ZBTB20: variants seen among roughly 807,000 people sequenced by gnomAD.
The protein encoded by ZBTB20 is zinc finger and BTB domain containing 20.
A neutral mutation model predicts 56.9 loss-of-function variants in ZBTB20; 9 were observed. That is an observed-to-expected ratio of 0.16 (90% CI 0.10 to 0.28). The LOEUF is 0.28. Among genes scored for constraint, ZBTB20 ranks in the 10% least tolerant of loss-of-function variants. The pLI, the probability that ZBTB20 is intolerant of heterozygous loss-of-function variation, is 1.00. For missense variants in ZBTB20, 655 were observed against 1,003.0 expected (o/e 0.65, Z 4.69); for synonymous variants, 417 against 420.7 (o/e 0.99, Z 0.11).
In ZBTB20 at chr3:114,941,351, G is replaced by A. The variant is rs960966520; in HGVS notation, c.-456+33015C>T. ...AGAGAAAATTAGAGTACAAAGAAGA[G>A]ACTGACCCAACAATAACATTTAACT... On this transcript the variant is annotated intron_variant, in intron 3 of 11. Coordinates refer to ENST00000675478, the MANE Select transcript of ZBTB20 (RefSeq NM_001348800.3). 8.2e-5 allele frequency among the ~76,000 whole-genome samples: 12 copies of A among 146,294 alleles called. 3 individuals carry two copies. Among genetic ancestry groups the A allele is most frequent in the African/African-American group, 2.8e-4 (10 of 36,146 alleles).
chr3:114,436,780 G>A (rs898562772), intron 7 of ZBTB20, among the ~76,000 whole-genome samples: 1 of 152,146 alleles, frequency 6.6e-6, no homozygotes, highest in African/African-American at 2.4e-5. Flanking sequence ...AGAAGTTTGA[G>A]GCTGCAGTGA....
intron 3 of ZBTB20, among the ~76,000 whole-genome samples, chr3:114,944,056 G>A (rs981822312): frequency 1.4e-5 from 2 of 145,662 alleles, no homozygotes; most frequent in Non-Finnish European, 3.0e-5. Flanking sequence ...AAAAACAATT[G>A]AAGCCAGAGA....
At chr3:115,045,266 G>C (rs2108409297) in intron 2 of ZBTB20, among the ~76,000 whole-genome samples, 1 of 151,902 alleles carries the variant, frequency 6.6e-6, no homozygotes, top group Middle Eastern at 3.4e-3. Flanking sequence ...AAAACATGTA[G>C]TATATGTTCC....
At chr3:114,584,077 G>C (rs960008185) in intron 6 of ZBTB20, among the ~76,000 whole-genome samples, 15 of 152,030 alleles carry the variant, frequency 9.9e-5, no homozygotes, top group African/African-American at 3.6e-4. Flanking sequence ...TATCTAATGA[G>C]ATTAATTTAT....
At chr3:114,547,009 C>T (rs964046293) in intron 6 of ZBTB20, among the ~76,000 whole-genome samples, 1 of 152,130 alleles carries the variant, frequency 6.6e-6, no homozygotes, top group Admixed American at 6.6e-5. Context: ...TAGGGGGTAA[C>T]TACAGGGGCA....
chr3:114,865,658 G>A (rs376196316), intron 4 of ZBTB20, among the ~76,000 whole-genome samples: 7 of 152,182 alleles, frequency 4.6e-5, no homozygotes, highest in South Asian at 2.1e-4. Flanking sequence ...CATGCTATCT[G>A]TAACATTACG....
chr3:114,430,131 G>GA (rs1421186440), intron 7 of ZBTB20, among the ~76,000 whole-genome samples: 2 of 152,148 alleles, frequency 1.3e-5, no homozygotes, highest in African/African-American at 4.8e-5. Context: ...TGGTTATGGA[G>GA]AAAAATCACT....
At chr3:114,357,054 G>A (rs932266984) in intron 10 of ZBTB20, 6 of 152,176 alleles carry the variant, frequency 3.9e-5, no homozygotes, top group African/African-American at 1.2e-4. Context: ...GTGAGACTAG[G>A]GAGGGTCATC....
At chr3:114,626,495 C>T (rs2058665412) in intron 6 of ZBTB20, among the ~76,000 whole-genome samples, 1 of 152,074 alleles carries the variant, frequency 6.6e-6, no homozygotes, top group Non-Finnish European at 1.5e-5. Flanking sequence ...GAAAGAATCC[C>T]CCTCCAGTGT....
intron 1 of ZBTB20, among the ~76,000 whole-genome samples, chr3:115,073,283 G>A (rs1290212764): frequency 6.6e-6 from 1 of 152,132 alleles, no homozygotes; most frequent in Non-Finnish European, 1.5e-5. Context: ...TATTCAACTT[G>A]TTTGTTCTAA....
At chr3:114,836,642 C>T (rs576047200) in intron 4 of ZBTB20, among the ~76,000 whole-genome samples, 2 of 152,264 alleles carry the variant, frequency 1.3e-5, no homozygotes, top group East Asian at 3.9e-4. Context: ...TTGCCTCACC[C>T]ACCACATCTA....
chr3:115,074,994 C>A (rs1045493768), intron 1 of ZBTB20, among the ~76,000 whole-genome samples: 2 of 152,110 alleles, frequency 1.3e-5, no homozygotes, highest in Admixed American at 1.3e-4. Context: ...ATATTACCAT[C>A]CTCTAAATAC....
intron 7 of ZBTB20, among the ~76,000 whole-genome samples, chr3:114,411,416 A>G (rs1310719663): frequency 6.6e-6 from 1 of 152,200 alleles, no homozygotes; most frequent in Non-Finnish European, 1.5e-5. Context: ...GATGGAAATA[A>G]AAGGGAAAAA....
chr3:114,971,302 T>C (rs1223575091), intron 3 of ZBTB20, among the ~76,000 whole-genome samples: 1 of 152,182 alleles, frequency 6.6e-6, no homozygotes, highest in Non-Finnish European at 1.5e-5. Context: ...CTGTGTAAGG[T>C]TGGGCCAGTG....
intron 7 of ZBTB20, among the ~76,000 whole-genome samples, chr3:114,469,010 C>CAAAAA (rs1164804884): frequency 2.2e-4 from 15 of 67,018 alleles, no homozygotes; most frequent in African/African-American, 5.0e-4. Flanking sequence ...TCAAGAGAAG[C>CAAAAA]AAAAAAAAAA....
intron 2 of ZBTB20, among the ~76,000 whole-genome samples, chr3:115,004,292 A>T (rs957235462): frequency 2.0e-5 from 3 of 151,672 alleles, no homozygotes; most frequent in African/African-American, 7.3e-5. Flanking sequence ...GTACCTATAA[A>T]ACCTGCACTG....
intron 1 of ZBTB20, among the ~76,000 whole-genome samples, chr3:115,109,033 A>C (rs1395458197): frequency 1.3e-5 from 2 of 152,266 alleles, no homozygotes; most frequent in Non-Finnish European, 2.9e-5. Context: ...ATAAATGCTA[A>C]ATCAATGGAT....
At chr3:114,490,990 T>C (rs2042691414) in intron 7 of ZBTB20, among the ~76,000 whole-genome samples, 1 of 152,186 alleles carries the variant, frequency 6.6e-6, no homozygotes, top group Non-Finnish European at 1.5e-5. Flanking sequence ...TTGGACCAGA[T>C]ATCAGCCTAC....
intron 6 of ZBTB20, among the ~76,000 whole-genome samples, chr3:114,540,604 C>T (rs1473445393): frequency 6.6e-6 from 1 of 152,060 alleles, no homozygotes; most frequent in Admixed American, 6.6e-5. Context: ...GAAAACCGGA[C>T]ATTTTGTTCC....
Sources: gnomAD v4.1 joint callset for allele counts (sites outside exome capture counted in the v4.1 genomes callset) on GRCh38, gnomAD v4.1.1 for gene constraint, MANE v1.5 for transcripts, NCBI Gene and HGNC (gene_info 2026-07-23, HGNC 2026-07-21) for gene names.